ATF6: variants seen among roughly 807,000 people sequenced by gnomAD.
ATF6 encodes the protein activating transcription factor 6.
In ATF6, 53 loss-of-function variants were observed where a neutral mutation model predicts 83.6. The observed-to-expected ratio is 0.63, with a 90% confidence interval of 0.51 to 0.80. ATF6 has a LOEUF of 0.80. ATF6 is among the 30% of genes least tolerant of loss of function. The probability of loss-of-function intolerance (pLI) is 0.00; values close to 1 mark genes in which losing one functional copy is unlikely to be tolerated. For missense variants in ATF6, 744 were observed against 797.9 expected, an observed-to-expected ratio of 0.93 and a Z score of 0.81; for synonymous variants, 288 against 285.8, an observed-to-expected ratio of 1.01 and a Z score of -0.08.
Position 161,943,755 on chromosome 1 carries a change from G to GC in ATF6, c.1805-14690dup, listed in dbSNP as rs1198612912. Among the ~76,000 whole-genome samples, 6 of 152,172 alleles carry GC rather than the reference G, an allele frequency of 3.9e-5. 1 individual carries two copies. The highest frequency in any genetic ancestry group is 4.1e-4 in the South Asian group (2 of 4,830). On this transcript the variant is annotated intron_variant, in intron 15 of 15. Transcript: ENST00000367942. ...TCACACGCACACAAAAAGCCATCTT[G>GC]CTGGTCAGGACTTGCCAGACCACTC...
intron 15 of ATF6, among the ~76,000 whole-genome samples, chr1:161,917,730 A>G (rs538355926): frequency 3.4e-4 from 52 of 152,134 alleles, no homozygotes; most frequent in African/African-American, 1.2e-3. Context: ...TTTATACACA[A>G]TTTTTCACAA....
At chr1:161,792,072 G>C in intron 5 of ATF6, 52 bp from the exon 6 acceptor site, 1 of 1,495,068 alleles carries the variant, frequency 6.7e-7, no homozygotes, top group Non-Finnish European at 9.3e-7. Flanking sequence ...GTTTTTTAGG[G>C]CTTGCGTAAT....
intron 12 of ATF6, among the ~76,000 whole-genome samples, chr1:161,854,524 G>A (rs1329996131): frequency 1.3e-5 from 2 of 152,212 alleles, no homozygotes; most frequent in African/African-American, 2.4e-5. Flanking sequence ...ACAAGGGTTT[G>A]GTGAGAACAT....
At chr1:161,797,003 A>C (rs1685035519) in intron 6 of ATF6, among the ~76,000 whole-genome samples, 1 of 151,910 alleles carries the variant, frequency 6.6e-6, no homozygotes, top group Non-Finnish European at 1.5e-5. Flanking sequence ...TTAAAACCTA[A>C]CACTTGGTCA....
intron 14 of ATF6, among the ~76,000 whole-genome samples, chr1:161,910,381 T>C (rs1687966435): frequency 6.6e-6 from 1 of 152,148 alleles, no homozygotes; most frequent in Non-Finnish European, 1.5e-5. Context: ...CTGTAATAAT[T>C]CGTATGCATG....
At position 161,875,768 on chromosome 1, in the gene ATF6, A is replaced by G. The variant is rs1295731214; in HGVS notation, c.1719+12456A>G. Among the ~76,000 whole-genome samples the G allele has an allele frequency of 2.0e-5, 3 of 151,884 alleles. No individual in the cohort carries two copies. In the East Asian group the frequency reaches 5.8e-4, roughly 29 times the overall value. On this transcript the variant is annotated intron_variant, in intron 14 of 15. Transcript: ENST00000367942. ...GTGCAGCTCACAACTCAGTTACACA[A>G]GTGGTTTTCCTCTAGACAACAATTG...
At chr1:161,786,263 G>A (rs1250488340) in intron 4 of ATF6, among the ~76,000 whole-genome samples, 5 of 152,122 alleles carry the variant, frequency 3.3e-5, no homozygotes, top group Admixed American at 6.5e-5. Flanking sequence ...TGGGATTACA[G>A]GTGTGAGACA....
In ATF6 at chr1:161,919,075, G is replaced by C. The variant is rs572065941; in HGVS notation, c.1804+6695G>C. On this transcript the variant is annotated intron_variant, in intron 15 of 15. Transcript: ENST00000367942. Reference sequence around the variant, plus strand: ...ATTTAGAAATCACGTCATATCATCTGTGTTCTCCATGCCAGTTTTATTTTT... The same window carrying C: ...ATTTAGAAATCACGTCATATCATCTCTGTTCTCCATGCCAGTTTTATTTTT... Among the ~76,000 whole-genome samples the C allele has an allele frequency of 2.0e-5, 3 of 152,276 alleles. No individual in the cohort carries two copies. The South Asian group carries it at 6.2e-4, about 32-fold the overall frequency.
In ATF6 at chr1:161,943,099, C is replaced by A. The variant is rs114755101; in HGVS notation, c.1805-15347C>A. Among the ~76,000 whole-genome samples, 509 of 152,262 alleles carry A rather than the reference C, an allele frequency of 3.3e-3. 4 individuals carry two copies. The highest frequency in any genetic ancestry group is 6.2e-3 in the Non-Finnish European group (424 of 68,008). Reference sequence around the variant, plus strand: ...ATGATTTCCTGACCTCGTGATCCGCCCACCTCGGCCTCCCAAAATGTGGGA... The same window carrying A: ...ATGATTTCCTGACCTCGTGATCCGCACACCTCGGCCTCCCAAAATGTGGGA... On this transcript the variant is annotated intron_variant, in intron 15 of 15. Transcript: ENST00000367942.
chr1:161,827,402 G>A (rs1248324988), intron 9 of ATF6, among the ~76,000 whole-genome samples: 3 of 152,016 alleles, frequency 2.0e-5, no homozygotes, highest in Non-Finnish European at 4.4e-5. Flanking sequence ...GCATTATTAT[G>A]TTTTAATTGG....
chr1:161,884,077 C>T (rs1232717549), intron 14 of ATF6, among the ~76,000 whole-genome samples: 1 of 151,986 alleles, frequency 6.6e-6, no homozygotes, highest in Admixed American at 6.6e-5. Flanking sequence ...AGCCATTCTC[C>T]TCCTAGGATT....
chr1:161,878,537 A>C (rs977622459), intron 14 of ATF6, among the ~76,000 whole-genome samples: 4 of 152,170 alleles, frequency 2.6e-5, no homozygotes, highest in Non-Finnish European at 5.9e-5. Context: ...TGAGAGCAGC[A>C]AAGGACGGTT....
chr1:161,910,766 T>C (rs1473220055), intron 14 of ATF6, among the ~76,000 whole-genome samples: 1 of 152,192 alleles, frequency 6.6e-6, no homozygotes, highest in East Asian at 1.9e-4. Flanking sequence ...TGTTTTTTCT[T>C]GGTTATAATG....
chr1:161,790,178 A>G (rs1013508847), intron 4 of ATF6, among the ~76,000 whole-genome samples: 12 of 152,038 alleles, frequency 7.9e-5, no homozygotes, highest in Non-Finnish European at 1.8e-4. Flanking sequence ...TAGTTTACTT[A>G]TTATTTGTTC....
intron 7 of ATF6, among the ~76,000 whole-genome samples, chr1:161,816,638 A>G (rs1171433109): frequency 6.6e-6 from 1 of 152,228 alleles, no homozygotes; most frequent in African/African-American, 2.4e-5. Context: ...CAACAAGAGG[A>G]GATTAATTGA....
chr1:161,821,515 C>T (rs1685762363), intron 9 of ATF6, among the ~76,000 whole-genome samples: 1 of 152,136 alleles, frequency 6.6e-6, no homozygotes, highest in Non-Finnish European at 1.5e-5. Context: ...GGAAGCTGAA[C>T]ATTGAACTGT....
At chr1:161,811,684 A>G (rs1685462015) in intron 7 of ATF6, among the ~76,000 whole-genome samples, 1 of 151,748 alleles carries the variant, frequency 6.6e-6, no homozygotes, top group Non-Finnish European at 1.5e-5. Context: ...CCATCCATCC[A>G]TCCACTATCC....
intron 15 of ATF6, among the ~76,000 whole-genome samples, chr1:161,952,394 T>G (rs1369764994): frequency 6.6e-6 from 1 of 152,100 alleles, no homozygotes; most frequent in Non-Finnish European, 1.5e-5. Flanking sequence ...CACTTAAAAC[T>G]GCAAGCTACT....
intron 9 of ATF6, among the ~76,000 whole-genome samples, chr1:161,833,333 T>C (rs1182809810): frequency 6.6e-6 from 1 of 151,888 alleles, no homozygotes; most frequent in Non-Finnish European, 1.5e-5. Flanking sequence ...CCAGAAACTC[T>C]AAAAATCAGA....
Sources: gnomAD v4.1 joint callset for allele counts (sites outside exome capture counted in the v4.1 genomes callset) on GRCh38, gnomAD v4.1.1 for gene constraint, MANE v1.5 for transcripts, NCBI Gene and HGNC (gene_info 2026-07-23, HGNC 2026-07-21) for gene names.